The following CRPPA variants were observed in gnomAD, a reference collection of about 807,000 sequenced individuals.
The protein encoded by CRPPA is CDP-L-ribitol pyrophosphorylase A, also known as D-ribitol-5-phosphate cytidylyltransferase.
CRPPA carries 43 observed loss-of-function variants against 52.0 expected under a neutral mutation model. The observed-to-expected ratio is 0.83, with a 90% confidence interval of 0.65 to 1.07. The LOEUF is 1.07. Among genes scored for constraint, CRPPA ranks in the 50% least tolerant of loss-of-function variants. CRPPA has a pLI of 0.00. For synonymous variants in CRPPA, 250 were observed against 203.5 expected (o/e 1.23, Z -1.94); for missense variants, 629 against 551.7 (o/e 1.14, Z -1.40).
intron 9 of CRPPA, among the ~76,000 whole-genome samples, chr7:16,106,593 G>A (rs948485256): frequency 1.1e-4 from 17 of 152,204 alleles, no homozygotes; most frequent in African/African-American, 4.1e-4. Context: ...GTTGTTACCA[G>A]CTGGCCCTTC....
chr7:16,189,299 G>T (rs1465652614), intron 9 of CRPPA, among the ~76,000 whole-genome samples: 3 of 152,180 alleles, frequency 2.0e-5, no homozygotes, highest in African/African-American at 7.2e-5. Context: ...AGGCATCACA[G>T]AACTGGGTTG....
At chr7:16,273,607 T>C (rs1784138327) in intron 6 of CRPPA, among the ~76,000 whole-genome samples, 1 of 152,056 alleles carries the variant, frequency 6.6e-6, no homozygotes, top group Admixed American at 6.5e-5. Flanking sequence ...ATCCTCCACA[T>C]TCACCACCCT....
intron 3 of CRPPA, among the ~76,000 whole-genome samples, chr7:16,313,872 G>A (rs1785088359): frequency 1.3e-5 from 2 of 151,966 alleles, no homozygotes; most frequent in Admixed American, 6.6e-5. Context: ...AGTAGGCCTT[G>A]TGTTATTTCT....
intron 6 of CRPPA, among the ~76,000 whole-genome samples, chr7:16,263,108 A>G (rs191651849): frequency 4.5e-4 from 68 of 152,284 alleles, no homozygotes; most frequent in African/African-American, 1.5e-3. Flanking sequence ...GAGTATTTTA[A>G]GTATTCCTAG....
At chr7:16,381,946 A>T (rs901710456) in intron 2 of CRPPA, among the ~76,000 whole-genome samples, 8 of 151,956 alleles carry the variant, frequency 5.3e-5, no homozygotes, top group African/African-American at 1.7e-4. Context: ...TCTTTATCCA[A>T]TTTGCCAGTC....
chr7:16,193,699 G>C (rs1186884641), intron 9 of CRPPA, among the ~76,000 whole-genome samples: 2 of 151,958 alleles, frequency 1.3e-5, no homozygotes, highest in South Asian at 4.2e-4. Context: ...TGTACATATA[G>C]GTATGTATAC....
At chr7:16,226,591 T>C (rs1306501169) in intron 8 of CRPPA, among the ~76,000 whole-genome samples, 1 of 151,906 alleles carries the variant, frequency 6.6e-6, no homozygotes, top group Non-Finnish European at 1.5e-5. Context: ...GTATTAAAAA[T>C]AAAACTCAGG....
intron 9 of CRPPA, among the ~76,000 whole-genome samples, chr7:16,213,854 A>G (rs1782223517): frequency 6.6e-6 from 1 of 152,176 alleles, no homozygotes; most frequent in Non-Finnish European, 1.5e-5. Flanking sequence ...ATCCATAGTC[A>G]TGTCTATAGG....
chr7:16,400,742 G>A (rs772839839), intron 2 of CRPPA, among the ~76,000 whole-genome samples: 86 of 152,356 alleles, frequency 5.6e-4, no homozygotes, highest in African/African-American at 1.9e-3. Flanking sequence ...CACCTGTGAC[G>A]TGGCACATGA....
chr7:16,359,276 C>A (rs765500771), intron 3 of CRPPA, among the ~76,000 whole-genome samples: 21 of 152,166 alleles, frequency 1.4e-4, no homozygotes, highest in Non-Finnish European at 2.2e-4. Flanking sequence ...CCACCACACC[C>A]AGCTAATGGA....
intron 3 of CRPPA, among the ~76,000 whole-genome samples, chr7:16,347,164 C>G (rs1263745624): frequency 6.6e-6 from 1 of 151,914 alleles, no homozygotes; most frequent in African/African-American, 2.4e-5. Flanking sequence ...CCCCATTTAT[C>G]AGACAAGGAA....
intron 3 of CRPPA, among the ~76,000 whole-genome samples, chr7:16,374,751 T>C (rs771804060): frequency 4.5e-4 from 68 of 152,266 alleles, no homozygotes; most frequent in Non-Finnish European, 8.1e-4. Flanking sequence ...ACTCTCACTT[T>C]ACCACTGTCT....
At chr7:16,339,823 G>A (rs1785776900) in intron 3 of CRPPA, among the ~76,000 whole-genome samples, 1 of 152,136 alleles carries the variant, frequency 6.6e-6, no homozygotes, top group Non-Finnish European at 1.5e-5. Context: ...AAGCCATTAT[G>A]TCAAGAGACT....
At chr7:16,158,195 T>C (rs1266612363) in intron 9 of CRPPA, among the ~76,000 whole-genome samples, 1 of 152,064 alleles carries the variant, frequency 6.6e-6, no homozygotes, top group Non-Finnish European at 1.5e-5. Flanking sequence ...AATGTAGATA[T>C]TTCTGTTCAT....
intron 1 of CRPPA, among the ~76,000 whole-genome samples, chr7:16,409,870 T>A (rs927500723): frequency 2.0e-5 from 3 of 152,228 alleles, no homozygotes; most frequent in African/African-American, 7.2e-5. Flanking sequence ...AGGCTCCATA[T>A]AGAGACAATG....
At chr7:16,166,488 C>T (rs977426510) in intron 9 of CRPPA, among the ~76,000 whole-genome samples, 1 of 152,082 alleles carries the variant, frequency 6.6e-6, no homozygotes, top group African/African-American at 2.4e-5. Context: ...CCTTGTTGGC[C>T]AGGCTAGTCT....
chr7:16,151,928 T>C lies in CRPPA; in HGVS notation c.1252-60129A>G, dbSNP rs534886432. Among the ~76,000 whole-genome samples, 3 of 152,114 alleles carry C rather than the reference T, an allele frequency of 2.0e-5. No individual in the cohort carries two copies. The East Asian group carries it at 5.8e-4, about 29-fold the overall frequency. ...AAGTTATCCCTGACTGAAAACATAGTGAGCAAATAAAAAAATTCACTCCAA... is the reference window on the plus strand; with the variant it reads ...AAGTTATCCCTGACTGAAAACATAGCGAGCAAATAAAAAAATTCACTCCAA... On this transcript the variant is annotated intron_variant, in intron 9 of 9. Transcript: ENST00000407010.
At chr7:16,412,780 C>T (rs188129426) in intron 1 of CRPPA, among the ~76,000 whole-genome samples, 1 of 152,178 alleles carries the variant, frequency 6.6e-6, no homozygotes, top group East Asian at 1.9e-4. Context: ...CTGTCAAGTT[C>T]TCCTGAATAT....
chr7:16,168,693 T>C (rs1252681714), intron 9 of CRPPA, among the ~76,000 whole-genome samples: 3 of 152,214 alleles, frequency 2.0e-5, no homozygotes, highest in Admixed American at 2.0e-4. Context: ...GGTATCTATC[T>C]AGAATTCTAA....
Sources: gnomAD v4.1 joint callset for allele counts (sites outside exome capture counted in the v4.1 genomes callset) on GRCh38, gnomAD v4.1.1 for gene constraint, MANE v1.5 for transcripts, NCBI Gene and HGNC (gene_info 2026-07-23, HGNC 2026-07-21) for gene names.